TFG: variants seen among roughly 807,000 people sequenced by gnomAD.
The protein encoded by TFG is protein TFG.
A neutral mutation model predicts 51.4 loss-of-function variants in TFG; 22 were observed. The ratio of observed to expected loss-of-function variants is 0.43; its 90% CI spans 0.31 to 0.61. The LOEUF (loss-of-function observed/expected upper bound fraction) is 0.61, where lower values mean the gene tolerates loss of function less well. TFG is among the 20% of genes least tolerant of loss of function. The pLI is 0.12. For missense variants in TFG, 419 were observed against 487.7 expected (o/e 0.86, Z 1.33); for synonymous variants, 187 against 165.6 (o/e 1.13, Z -0.99).
At chr3:100,723,355 C>G (rs889642261) in intron 3 of TFG, among the ~76,000 whole-genome samples, 4 of 151,884 alleles carry the variant, frequency 2.6e-5, no homozygotes, top group Middle Eastern at 3.2e-3. Flanking sequence ...CTGTTCAGTT[C>G]AGTAGAAAGT....
chr3:100,744,952 A>C, intron 7 of TFG, 21 bp downstream of exon 7: 1 of 1,549,316 alleles, frequency 6.5e-7, no homozygotes, highest in Non-Finnish European at 8.9e-7. Context: ...GTTGAAAGGG[A>C]GTTGGCTCAT....
At chr3:100,742,722 A>C (rs892488419) in intron 6 of TFG, 1 of 152,196 alleles carries the variant, frequency 6.6e-6, no homozygotes, top group Non-Finnish European at 1.5e-5. Flanking sequence ...AACTGGGAAT[A>C]ATTTTTTTTT....
chr3:100,718,463 C>G (rs770072237), intron 2 of TFG, among the ~76,000 whole-genome samples: 2 of 151,386 alleles, frequency 1.3e-5, no homozygotes, highest in Non-Finnish European at 2.9e-5. Context: ...GGATTTTGTC[C>G]GTTGGTCACA....
intron 3 of TFG, among the ~76,000 whole-genome samples, chr3:100,725,782 G>A (rs1030534556): frequency 6.6e-6 from 1 of 151,974 alleles, no homozygotes; most frequent in Non-Finnish European, 1.5e-5. Flanking sequence ...GACAGAGCAA[G>A]ACTCTGTCTC....
intron 4 of TFG, among the ~76,000 whole-genome samples, chr3:100,730,794 CTA>C (rs772982883): frequency 7.2e-5 from 11 of 152,196 alleles, no homozygotes; most frequent in Non-Finnish European, 1.6e-4. Flanking sequence ...TCTCCAGCAG[CTA>C]ATGGAGCAAG....
chr3:100,726,592 G>A (rs907812268), intron 3 of TFG, among the ~76,000 whole-genome samples: 6 of 152,080 alleles, frequency 3.9e-5, no homozygotes, highest in African/African-American at 1.4e-4. Flanking sequence ...CAGATTATAG[G>A]CCATACTAGG....
At chr3:100,725,998 A>G (rs1263168052) in intron 3 of TFG, among the ~76,000 whole-genome samples, 1 of 152,186 alleles carries the variant, frequency 6.6e-6, no homozygotes, top group African/African-American at 2.4e-5. Flanking sequence ...AGGTGATTAC[A>G]AGGCGAAGTC....
At chr3:100,743,047 T>C (rs2095125585) in intron 6 of TFG, 1 of 152,168 alleles carries the variant, frequency 6.6e-6, no homozygotes, top group African/African-American at 2.4e-5. Context: ...CAAGTTAATA[T>C]TTATATTGTT....
At chr3:100,734,547 A>T (rs928754566) in intron 5 of TFG, among the ~76,000 whole-genome samples, 1 of 152,010 alleles carries the variant, frequency 6.6e-6, no homozygotes, top group Non-Finnish European at 1.5e-5. Flanking sequence ...TATCCATTCT[A>T]ATTTTATTGG....
chr3:100,713,891 T>G, intron 2 of TFG, 22 bp downstream of exon 2: 1 of 1,362,110 alleles, frequency 7.3e-7, no homozygotes, highest in Non-Finnish European at 9.8e-7. Context: ...TTTAAAGCTA[T>G]TTTTTAAAGT....
chr3:100,710,314 C>T (rs1421915444), intron 1 of TFG: 2 of 152,260 alleles, frequency 1.3e-5, no homozygotes, highest in Non-Finnish European at 2.9e-5. Context: ...TTTGGATGCA[C>T]TGTCTCATTT....
At chr3:100,720,447 C>T (rs1309903021) in intron 3 of TFG, among the ~76,000 whole-genome samples, 3 of 152,208 alleles carry the variant, frequency 2.0e-5, no homozygotes, top group Non-Finnish European at 4.4e-5. Context: ...AACCAGTAGT[C>T]GCCAACCTTT....
intron 6 of TFG, among the ~76,000 whole-genome samples, chr3:100,737,143 T>G (rs539146928): frequency 5.5e-4 from 83 of 152,022 alleles, no homozygotes; most frequent in African/African-American, 1.5e-3. Flanking sequence ...TTGTAGTGGG[T>G]TTTTTTTGTT....
chr3:100,746,617 A>G (rs1403542302), intron 7 of TFG, among the ~76,000 whole-genome samples: 1 of 151,476 alleles, frequency 6.6e-6, no homozygotes, highest in Non-Finnish European at 1.5e-5. Flanking sequence ...GACTATATAT[A>G]TACACACACA....
chr3:100,728,610 T>C, intron 3 of TFG, 102 bp from the exon 4 acceptor site: 1 of 1,023,974 alleles, frequency 9.8e-7, no homozygotes, highest in Non-Finnish European at 1.4e-6. Flanking sequence ...TATCTTGTTT[T>C]TGTTTTTTTA....
intron 5 of TFG, among the ~76,000 whole-genome samples, chr3:100,735,555 C>T (rs985578114): frequency 6.6e-6 from 1 of 152,182 alleles, no homozygotes; most frequent in Admixed American, 6.5e-5. Flanking sequence ...CAGAGTTACA[C>T]AGCTAGTGAG....
intron 5 of TFG, among the ~76,000 whole-genome samples, chr3:100,734,066 C>CA (rs1553702560): frequency 8.4e-5 from 12 of 143,424 alleles, no homozygotes; most frequent in South Asian, 4.5e-4. Context: ...TTTTTTTTTG[C>CA]TTTTTTTTTT....
chr3:100,724,119 G>T (rs2095068423), intron 3 of TFG, among the ~76,000 whole-genome samples: 1 of 152,132 alleles, frequency 6.6e-6, no homozygotes, highest in African/African-American at 2.4e-5. Flanking sequence ...ACTTAGAGTA[G>T]TACTTACAGC....
chr3:100,735,574 C>G (rs147807984), intron 5 of TFG, among the ~76,000 whole-genome samples: 1 of 152,198 alleles, frequency 6.6e-6, no homozygotes, highest in Non-Finnish European at 1.5e-5. Context: ...AGTGACAGCA[C>G]TAGGATTTGA....
Sources: allele counts gnomAD v4.1 joint callset (sites outside exome capture counted in the v4.1 genomes callset), GRCh38; gene constraint gnomAD v4.1.1; transcripts MANE v1.5; gene names NCBI Gene and HGNC (gene_info 2026-07-23, HGNC 2026-07-21).